Variants in SP140L observed in about 807,000 individuals in gnomAD.
SP140L encodes the protein nuclear body protein SP140-like protein.
SP140L carries 64 observed loss-of-function variants against 84.3 expected under a neutral mutation model. The ratio of observed to expected loss-of-function variants is 0.76; its 90% CI spans 0.62 to 0.94. The LOEUF is 0.94. Among genes scored for constraint, SP140L ranks in the 40% least tolerant of loss-of-function variants. SP140L has a pLI of 0.00. For synonymous variants in SP140L, 242 were observed against 236.9 expected (o/e 1.02, Z -0.20); for missense variants, 628 against 692.5 (o/e 0.91, Z 1.05).
chr2:230,375,828 G>A (rs2061225800), intron 7 of SP140L, among the ~76,000 whole-genome samples: 2 of 152,022 alleles, frequency 1.3e-5, no homozygotes, highest in Admixed American at 1.3e-4. Context: ...TCAAATACAT[G>A]GTTTGCAAAT....
Position 230,327,201 on chromosome 2 carries a change from C to G in SP140L, c.-69C>G, listed in dbSNP as rs557209538. On this transcript the variant is annotated 5_prime_UTR_variant, in exon 1 of 19. Coordinates refer to ENST00000415673, the MANE Select transcript of SP140L (RefSeq NM_138402.6). ...TCCGGGTCAGGGCAGCCACACTGCA[C>G]GCAGGCTGGGCCGACTGGGGAGCTC... The G allele has an allele frequency of 4.6e-6, 7 of 1,535,584 alleles. No individual in the cohort carries two copies. Among genetic ancestry groups the G allele is most frequent in the Non-Finnish European group, 5.3e-6 (6 of 1,127,900 alleles).
intron 2 of SP140L, among the ~76,000 whole-genome samples, chr2:230,333,448 G>A (rs185051441): frequency 2.2e-3 from 340 of 152,156 alleles, no homozygotes; most frequent in Non-Finnish European, 4.0e-3. Flanking sequence ...ATAAGCCACC[G>A]CGCCCGACCC....
intron 7 of SP140L, among the ~76,000 whole-genome samples, chr2:230,382,499 C>T (rs1242830981): frequency 6.6e-6 from 1 of 152,174 alleles, no homozygotes; most frequent in Non-Finnish European, 1.5e-5. Context: ...GTACCTTCAT[C>T]TTTTTCTCCT....
At chr2:230,335,469 C>T (rs2059842279) in intron 2 of SP140L, among the ~76,000 whole-genome samples, 1 of 152,200 alleles carries the variant, frequency 6.6e-6, no homozygotes, top group Admixed American at 6.5e-5. Context: ...CTGGAAGCAG[C>T]TTTTAAAATT....
chr2:230,356,901 CT>C (rs34011028), intron 2 of SP140L, among the ~76,000 whole-genome samples: 1 of 151,882 alleles, frequency 6.6e-6, no homozygotes, highest in East Asian at 1.9e-4. Flanking sequence ...TAACCAGAAA[CT>C]TTTTTTTACA....
At chr2:230,399,199 C>G (rs1228478461) in intron 14 of SP140L, among the ~76,000 whole-genome samples, 1 of 152,200 alleles carries the variant, frequency 6.6e-6, no homozygotes, top group South Asian at 2.1e-4. Context: ...TATATTTGCT[C>G]TATAAATTCT....
At chr2:230,378,100 C>T (rs745841957) in intron 7 of SP140L, among the ~76,000 whole-genome samples, 6 of 152,058 alleles carry the variant, frequency 3.9e-5, no homozygotes, top group South Asian at 2.1e-4. Context: ...GTTACTTTGA[C>T]GTCCTTGTTG....
intron 14 of SP140L, among the ~76,000 whole-genome samples, chr2:230,398,715 G>A (rs1161442076): frequency 6.6e-6 from 1 of 152,216 alleles, no homozygotes; most frequent in Non-Finnish European, 1.5e-5. Flanking sequence ...AATTTAGAGA[G>A]CTGGGCAAAA....
At position 230,327,201 on chromosome 2, in the gene SP140L, C is replaced by T. The variant is rs557209538; in HGVS notation, c.-69C>T. ...TCCGGGTCAGGGCAGCCACACTGCA[C>T]GCAGGCTGGGCCGACTGGGGAGCTC... On this transcript the variant is annotated 5_prime_UTR_variant, in exon 1 of 19. The change creates a new upstream start codon in the 5' untranslated region. Coordinates refer to ENST00000415673, the MANE Select transcript of SP140L (RefSeq NM_138402.6). 48 of 1,535,584 alleles carry T rather than the reference C, an allele frequency of 3.1e-5. No homozygotes were observed. In the South Asian group the frequency reaches 3.4e-4, roughly 11 times the overall value.
At chr2:230,360,510 G>A (rs2060681633) in intron 4 of SP140L, among the ~76,000 whole-genome samples, 1 of 152,136 alleles carries the variant, frequency 6.6e-6, no homozygotes, top group African/African-American at 2.4e-5. Context: ...TGAATAAAAG[G>A]AAATCACATA....
At position 230,360,724 on chromosome 2, in the gene SP140L, C is replaced by G. The variant is rs527825855; in HGVS notation, c.440-890C>G. On this transcript the variant is annotated intron_variant, in intron 4 of 18. Transcript: ENST00000415673. ...ACTCCTTATGCTTGGGTGACCTGCA[C>G]TGAGGCTCACTGTCACCTGCCTGGG... Among the ~76,000 whole-genome samples, 3 of 152,250 alleles carry G rather than the reference C, an allele frequency of 2.0e-5. No homozygotes were observed. The East Asian group carries it at 5.8e-4, about 29-fold the overall frequency.
At chr2:230,374,661 T>C (rs2061186888) in intron 7 of SP140L, among the ~76,000 whole-genome samples, 2 of 152,202 alleles carry the variant, frequency 1.3e-5, no homozygotes, top group African/African-American at 4.8e-5. Context: ...TCAACATTTA[T>C]CAACCACCAC....
At chr2:230,335,253 CT>C (rs991810146) in intron 2 of SP140L, among the ~76,000 whole-genome samples, 2 of 151,748 alleles carry the variant, frequency 1.3e-5, no homozygotes, top group Admixed American at 1.3e-4. Context: ...AGGGGATTAC[CT>C]TGTGTTCTGT....
intron 7 of SP140L, 44 bp from the exon 8 acceptor site, chr2:230,383,466 A>C (rs780588183): frequency 6.5e-7 from 1 of 1,535,254 alleles, no homozygotes; most frequent in South Asian, 1.2e-5. Flanking sequence ...AAATAATTAT[A>C]TTTATTCCTC....
At chr2:230,383,606 T>C (rs1053892413) in intron 8 of SP140L, 31 bp downstream of exon 8, 7 of 1,580,072 alleles carry the variant, frequency 4.4e-6, no homozygotes, top group African/African-American at 1.3e-5. Flanking sequence ...AGTTACAGCT[T>C]TTGAGTTTAT....
chr2:230,391,187 G>T (rs1300425684), intron 11 of SP140L, among the ~76,000 whole-genome samples: 1 of 152,188 alleles, frequency 6.6e-6, no homozygotes, highest in Non-Finnish European at 1.5e-5. Context: ...GAACATTTAT[G>T]TAACAAATTT....
intron 18 of SP140L, 84 bp from the exon 19 acceptor site, chr2:230,402,714 G>C: frequency 9.6e-7 from 1 of 1,036,632 alleles, no homozygotes. Context: ...TTAAAGACAA[G>C]AGTCCTGATC....
chr2:230,374,637 T>TAAGACACAAA (rs2061185749), intron 7 of SP140L, among the ~76,000 whole-genome samples: 2 of 152,174 alleles, frequency 1.3e-5, no homozygotes, highest in Non-Finnish European at 2.9e-5. Context: ...TTTTAAGAAA[T>TAAGACACAAA]TGTCACAGCC....
At chr2:230,396,439 G>A (rs549709949) in intron 13 of SP140L, among the ~76,000 whole-genome samples, 1 of 152,238 alleles carries the variant, frequency 6.6e-6, no homozygotes, top group Non-Finnish European at 1.5e-5. Context: ...AGCCCAGATG[G>A]TGAGGCCAAC....
Sources: allele counts gnomAD v4.1 joint callset (sites outside exome capture counted in the v4.1 genomes callset), GRCh38; gene constraint gnomAD v4.1.1; transcripts MANE v1.5; gene names NCBI Gene and HGNC (gene_info 2026-07-23, HGNC 2026-07-21).